The following EDA variants were observed in gnomAD, a reference collection of about 807,000 sequenced individuals.
The protein encoded by EDA is ectodysplasin A.
In EDA, 2 loss-of-function variants were observed where a neutral mutation model predicts 23.6. That is an observed-to-expected ratio of 0.08 (90% CI 0.03 to 0.27). The LOEUF is 0.27. Among genes scored for constraint, EDA ranks in the 10% least tolerant of loss-of-function variants. The pLI is 1.00. For synonymous variants in EDA, 131 were observed against 132.0 expected, an observed-to-expected ratio of 0.99 and a Z score of 0.05; for missense variants, 229 against 324.2, an observed-to-expected ratio of 0.71 and a Z score of 2.26.
At chrX:69,631,006 T>C (rs1408434739) in intron 1 of EDA, among the ~76,000 whole-genome samples, 1 of 111,463 alleles carries the variant, frequency 9.0e-6, no homozygotes, top group Non-Finnish European at 1.9e-5. Context: ...TGTTTACTTA[T>C]CTGCAAAATG....
intron 1 of EDA, among the ~76,000 whole-genome samples, chrX:69,828,356 C>T (rs779234470): frequency 3.8e-4 from 43 of 112,425 alleles, no homozygotes; most frequent in Admixed American, 2.4e-3. Context: ...AGCGAGACTC[C>T]GTGGGCGTAG....
At chrX:69,787,867 G>A (rs1344760780) in intron 1 of EDA, among the ~76,000 whole-genome samples, 1 of 111,355 alleles carries the variant, frequency 9.0e-6, no homozygotes, top group Non-Finnish European at 1.9e-5. Flanking sequence ...AGTTCTCCTG[G>A]ATAATATCCT....
At chrX:69,909,770 T>C (rs1285573309) in intron 1 of EDA, among the ~76,000 whole-genome samples, 1 of 112,545 alleles carries the variant, frequency 8.9e-6, no homozygotes, top group Non-Finnish European at 1.9e-5. Flanking sequence ...AGTAAAACAA[T>C]CTGTCTTCTA....
chrX:70,014,417 A>G (rs1308156046), intron 2 of EDA, among the ~76,000 whole-genome samples: 1 of 112,843 alleles, frequency 8.9e-6, no homozygotes, highest in Non-Finnish European at 1.9e-5. Context: ...GATACATCCA[A>G]AAACAAAGTC....
chrX:69,663,224 C>T (rs1281491035), intron 1 of EDA, among the ~76,000 whole-genome samples: 1 of 111,782 alleles, frequency 8.9e-6, no homozygotes, highest in East Asian at 2.8e-4. Flanking sequence ...GTTTCCACGG[C>T]AGCCCCTGCC....
At chrX:69,822,453 G>C (rs1305155854) in intron 1 of EDA, among the ~76,000 whole-genome samples, 1 of 111,176 alleles carries the variant, frequency 9.0e-6, no homozygotes, top group Non-Finnish European at 1.9e-5. Flanking sequence ...GTGGTCAAAG[G>C]ACATCAGTGC....
chrX:69,942,652 T>C (rs1392091131), intron 1 of EDA, among the ~76,000 whole-genome samples: 1 of 111,239 alleles, frequency 9.0e-6, no homozygotes, highest in Non-Finnish European at 1.9e-5. Flanking sequence ...AGGAGTTTGA[T>C]AATTAAATGC....
At chrX:69,834,286 C>G (rs1436265099) in intron 1 of EDA, among the ~76,000 whole-genome samples, 1 of 110,604 alleles carries the variant, frequency 9.0e-6, no homozygotes, top group Non-Finnish European at 1.9e-5. Flanking sequence ...GTTGATCTGT[C>G]TAATATTGAC....
At chrX:69,729,798 T>C (rs778191786) in intron 1 of EDA, among the ~76,000 whole-genome samples, 1 of 111,213 alleles carries the variant, frequency 9.0e-6, no homozygotes, top group East Asian at 2.9e-4. Flanking sequence ...CTGATACCTC[T>C]GTCTAGAATG....
chrX:69,660,898 C>A (rs1048955754), intron 1 of EDA, among the ~76,000 whole-genome samples: 4 of 111,377 alleles, frequency 3.6e-5, no homozygotes, highest in African/African-American at 1.3e-4. Context: ...ATTTCTAGTT[C>A]TAGATCCTTG....
chrX:69,940,145 T>C (rs1337842917), intron 1 of EDA, among the ~76,000 whole-genome samples: 5 of 111,798 alleles, frequency 4.5e-5, no homozygotes, highest in Non-Finnish European at 9.4e-5. Context: ...TTTTTTGGAA[T>C]ACTTTGAGTA....
At chrX:69,783,996 A>T in intron 1 of EDA, among the ~76,000 whole-genome samples, 1 of 108,340 alleles carries the variant, frequency 9.2e-6, no homozygotes. Context: ...AACTGGTGTG[A>T]GATGGTATGT....
At chrX:69,716,571 T>C (rs183417533) in intron 1 of EDA, among the ~76,000 whole-genome samples, 1 of 110,974 alleles carries the variant, frequency 9.0e-6, no homozygotes, top group East Asian at 2.8e-4. Flanking sequence ...TTTGGTTCCA[T>C]ATGAATTTTA....
chrX:69,867,517 C>T (rs910554861), intron 1 of EDA, among the ~76,000 whole-genome samples: 1 of 112,307 alleles, frequency 8.9e-6, no homozygotes, highest in South Asian at 3.7e-4. Flanking sequence ...AGTGTATAAT[C>T]GCACATCTGG....
chrX:69,980,205 A>G (rs2019384973), intron 2 of EDA, among the ~76,000 whole-genome samples: 3 of 111,382 alleles, frequency 2.7e-5, no homozygotes, highest in Non-Finnish European at 5.7e-5. Context: ...CTGGGTGACA[A>G]GGAGTCAATA....
intron 2 of EDA, among the ~76,000 whole-genome samples, chrX:69,992,680 C>T (rs1382406829): frequency 9.0e-6 from 1 of 111,500 alleles, no homozygotes; most frequent in Non-Finnish European, 1.9e-5. Context: ...ATTACTAGGT[C>T]CCAGGATATA....
intron 1 of EDA, among the ~76,000 whole-genome samples, chrX:69,842,598 G>A (rs2016917703): frequency 9.0e-6 from 1 of 111,634 alleles, no homozygotes; most frequent in South Asian, 3.7e-4. Flanking sequence ...GCTAGAGATT[G>A]TAAGATGAGA....
At chrX:69,916,102 G>A (rs1192589203) in intron 1 of EDA, among the ~76,000 whole-genome samples, 1 of 111,425 alleles carries the variant, frequency 9.0e-6, no homozygotes, top group Non-Finnish European at 1.9e-5. Context: ...ATACTCTCTC[G>A]ACCCCAACTT....
chrX:69,671,661 G>T (rs1933899812), intron 1 of EDA, among the ~76,000 whole-genome samples: 1 of 111,657 alleles, frequency 9.0e-6, no homozygotes, highest in Non-Finnish European at 1.9e-5. Context: ...CAGAGGCAAG[G>T]TGTTTCTTTC....
Sources: gnomAD v4.1 joint callset for allele counts (sites outside exome capture counted in the v4.1 genomes callset) on GRCh38, gnomAD v4.1.1 for gene constraint, MANE v1.5 for transcripts, NCBI Gene and HGNC (gene_info 2026-07-23, HGNC 2026-07-21) for gene names.